The following LRP1B variants were observed in gnomAD, a reference collection of about 807,000 sequenced individuals.
LRP1B encodes the protein LDL receptor related protein 1B.
In LRP1B, 217 loss-of-function variants were observed where a neutral mutation model predicts 556.6. The observed-to-expected ratio is 0.39, with a 90% CI of 0.35 to 0.44. The LOEUF (loss-of-function observed/expected upper bound fraction) is 0.44, where lower values mean the gene tolerates loss of function less well. LRP1B is among the 20% of genes least tolerant of loss of function. The probability of loss-of-function intolerance (pLI) is 1.00; values close to 1 mark genes in which losing one functional copy is unlikely to be tolerated. For synonymous variants in LRP1B, 2,047 were observed against 1,865.8 expected (o/e 1.10, Z -2.50); for missense variants, 5,053 against 5,620.8 (o/e 0.90, Z 3.23).
intron 1 of LRP1B, among the ~76,000 whole-genome samples, chr2:141,868,898 A>G (rs1271518399): frequency 6.6e-6 from 1 of 152,178 alleles, no homozygotes; most frequent in South Asian, 2.1e-4. Context: ...ACTGACTGAC[A>G]TAAAACTTTT....
chr2:140,961,307 T>C (rs1188035183), intron 18 of LRP1B, among the ~76,000 whole-genome samples: 1 of 152,126 alleles, frequency 6.6e-6, no homozygotes, highest in African/African-American at 2.4e-5. Flanking sequence ...TTTTAAAATA[T>C]ATACATTTTT....
At chr2:141,459,528 C>T (rs913542980) in intron 3 of LRP1B, among the ~76,000 whole-genome samples, 1 of 152,012 alleles carries the variant, frequency 6.6e-6, no homozygotes, top group African/African-American at 2.4e-5. Flanking sequence ...TTGGCTTTGT[C>T]CCCCGCTAAA....
chr2:140,888,263 A>C (rs1455720205), intron 23 of LRP1B, among the ~76,000 whole-genome samples: 1 of 152,156 alleles, frequency 6.6e-6, no homozygotes, highest in African/African-American at 2.4e-5. Flanking sequence ...TTTTCTGTGC[A>C]TTTGAGTTAG....
At position 140,840,903 on chromosome 2, in the gene LRP1B, A is replaced by AG. The variant is rs753986347; in HGVS notation, c.5114+14_5114+15insC. On this transcript the variant is annotated intron_variant, in intron 30 of 90. Coordinates refer to ENST00000389484, the MANE Select transcript of LRP1B (RefSeq NM_018557.3). ...GAAATTTTGGAAAAACTTTAAAAAAAAAATCATACTTTACCCCCTGACTGG... is the reference window on the plus strand; with the variant it reads ...GAAATTTTGGAAAAACTTTAAAAAAAGAAATCATACTTTACCCCCTGACTGG... 4.4e-5 allele frequency: 62 copies of AG among 1,419,124 alleles called. No individual in the cohort carries two copies. The East Asian group carries it at 1.3e-3, about 30-fold the overall frequency. 87.9% of individuals were successfully genotyped at this position (1,419,124 alleles called of 1,614,324 possible).
At chr2:141,558,109 T>C (rs1367663877) in intron 2 of LRP1B, among the ~76,000 whole-genome samples, 1 of 151,930 alleles carries the variant, frequency 6.6e-6, no homozygotes, top group Admixed American at 6.6e-5. Flanking sequence ...CTCACTTTCC[T>C]GAGTCAATTG....
intron 2 of LRP1B, among the ~76,000 whole-genome samples, chr2:141,700,475 C>T (rs754355405): frequency 9.2e-5 from 14 of 151,742 alleles, no homozygotes; most frequent in Non-Finnish European, 1.8e-4. Flanking sequence ...ATTGAGCTAA[C>T]GTTTTTCATT....
intron 2 of LRP1B, among the ~76,000 whole-genome samples, chr2:141,686,103 T>C (rs1321831065): frequency 6.6e-6 from 1 of 151,986 alleles, no homozygotes; most frequent in Non-Finnish European, 1.5e-5. Flanking sequence ...CACTGAACTG[T>C]CATTTGAGGA....
chr2:141,973,959 C>T (rs1184605183), intron 1 of LRP1B, among the ~76,000 whole-genome samples: 1 of 151,862 alleles, frequency 6.6e-6, no homozygotes, highest in Non-Finnish European at 1.5e-5. Context: ...CAAAATGTCT[C>T]ACCCAGTCAT....
chr2:141,239,498 C>A (rs1314069842), intron 5 of LRP1B, among the ~76,000 whole-genome samples: 1 of 151,742 alleles, frequency 6.6e-6, no homozygotes, highest in East Asian at 1.9e-4. Context: ...ATGTGAATGA[C>A]CTAAGAGAAA....
intron 1 of LRP1B, among the ~76,000 whole-genome samples, chr2:142,000,183 G>A (rs147684494): frequency 2.0e-5 from 3 of 152,232 alleles, no homozygotes; most frequent in African/African-American, 7.2e-5. Context: ...GCTCCAAGAA[G>A]AGGACATTTG....
chr2:140,813,887 GA>G (rs60071104), intron 31 of LRP1B, 81 bp from the exon 32 acceptor site: 18,348 of 900,244 alleles, frequency 0.02, 259 homozygotes, highest in Non-Finnish European at 0.025. Context: ...GATTTGAGGG[GA>G]AAAAAATAAG....
At chr2:142,013,436 A>G (rs543695714) in intron 1 of LRP1B, among the ~76,000 whole-genome samples, 5 of 152,302 alleles carry the variant, frequency 3.3e-5, no homozygotes, top group African/African-American at 1.2e-4. Context: ...TTTGTAACAG[A>G]CTAGTGTAGA....
At chr2:140,781,560 G>A (rs1286219695) in intron 32 of LRP1B, among the ~76,000 whole-genome samples, 1 of 152,144 alleles carries the variant, frequency 6.6e-6, no homozygotes, top group Non-Finnish European at 1.5e-5. Context: ...GGAGACAAGA[G>A]TAGTAAGGTC....
chr2:141,320,489 A>G (rs1401191280), intron 3 of LRP1B, among the ~76,000 whole-genome samples: 1 of 152,034 alleles, frequency 6.6e-6, no homozygotes, highest in Admixed American at 6.6e-5. Flanking sequence ...TAGTGATGCT[A>G]TGTACTATGC....
chr2:140,368,510 G>A (rs1682861092), intron 71 of LRP1B, among the ~76,000 whole-genome samples: 1 of 151,808 alleles, frequency 6.6e-6, no homozygotes, highest in Non-Finnish European at 1.5e-5. Context: ...AAGTTTGAAA[G>A]CTCAGGCCAA....
intron 1 of LRP1B, among the ~76,000 whole-genome samples, chr2:142,034,759 A>C (rs751854034): frequency 6.6e-6 from 1 of 151,822 alleles, no homozygotes; most frequent in Non-Finnish European, 1.5e-5. Flanking sequence ...ATATCACATT[A>C]ATCATTAATA....
intron 7 of LRP1B, among the ~76,000 whole-genome samples, chr2:141,123,312 C>T (rs1048601278): frequency 6.6e-6 from 1 of 151,216 alleles, no homozygotes; most frequent in African/African-American, 2.4e-5. Context: ...TGCTTTGGCA[C>T]CAGATGGTGA....
At chr2:140,955,181 G>A (rs1695836452) in intron 18 of LRP1B, among the ~76,000 whole-genome samples, 2 of 151,678 alleles carry the variant, frequency 1.3e-5, no homozygotes, top group East Asian at 1.9e-4. Context: ...AATAACTCCC[G>A]GGGTTTTCAC....
chr2:140,274,741 G>A, intron 84 of LRP1B, 143 bp from the exon 85 acceptor site: 1 of 647,364 alleles, frequency 1.5e-6, no homozygotes, highest in Non-Finnish European at 2.6e-6. Flanking sequence ...TACACATGAA[G>A]TAGAATTCTT....
Sources: allele counts gnomAD v4.1 joint callset (sites outside exome capture counted in the v4.1 genomes callset), GRCh38; gene constraint gnomAD v4.1.1; transcripts MANE v1.5; gene names NCBI Gene and HGNC (gene_info 2026-07-23, HGNC 2026-07-21).